HGD: variants seen among roughly 807,000 people sequenced by gnomAD.
HGD encodes homogentisate 1,2-dioxygenase.
Under a neutral mutation model 60.8 loss-of-function variants are expected in HGD, and 61 were observed. The ratio of observed to expected loss-of-function variants is 1.00; its 90% CI spans 0.82 to 1.24. The LOEUF (loss-of-function observed/expected upper bound fraction) is 1.24. HGD is among the 50% of genes most tolerant of loss of function. The pLI is 0.00. For missense variants in HGD, 542 were observed against 547.1 expected, an observed-to-expected ratio of 0.99 and a Z score of 0.09; for synonymous variants, 212 against 187.7, an observed-to-expected ratio of 1.13 and a Z score of -1.06.
At position 120,641,646 on chromosome 3, in the gene HGD, G is replaced by A. The variant is rs761819710; in HGVS notation, c.822C>T (p.Pro274=). 1.9e-6 allele frequency: 3 copies of A among 1,614,008 alleles called. No homozygotes were observed. The highest frequency in any genetic ancestry group is 1.7e-6 in the Non-Finnish European group (2 of 1,179,860). ...TGAAATTCTTCAGGTTGTACTTGTA[G>A]GGTGTATAATTCCCGTGCCAGGCCA... ...NVVAWHGNYT[P]YKYNLKNFMV... The change falls in exon 11 of 14, where the codon CCC becomes CCT. Residue 274 remains proline, a synonymous_variant. Transcript: ENST00000283871.
intron 3 of HGD, among the ~76,000 whole-genome samples, chr3:120,674,014 G>T (rs1708076247): frequency 1.3e-5 from 2 of 152,140 alleles, no homozygotes; most frequent in African/African-American, 2.4e-5. Context: ...ATTAAACCTT[G>T]CAATCTTTAT....
chr3:120,636,116 CAAA>C (rs34434001), intron 12 of HGD, among the ~76,000 whole-genome samples: 17 of 113,198 alleles, frequency 1.5e-4, no homozygotes, highest in African/African-American at 4.0e-4. Flanking sequence ...ACTAACAATA[CAAA>C]AAAAAAAAAA....
rs1016663331 is a variant in HGD, at chr3:120,646,419, T to C, written c.550-53A>G. The C allele has an allele frequency of 2.8e-5, 33 of 1,177,624 alleles. No individual in the cohort carries two copies. The East Asian group carries it at 5.1e-4, about 18-fold the overall frequency. 72.9% of individuals were successfully genotyped at this position (1,177,624 alleles called of 1,614,324 possible). ...CCCTCTGAAATCACAGCTGTAGTTA[T>C]AAAGAAGCTGCCCAGAGCCATAGCC... On this transcript the variant is annotated intron_variant, in intron 8 of 13. Coordinates refer to ENST00000283871, the MANE Select transcript of HGD (RefSeq NM_000187.4).
intron 1 of HGD, among the ~76,000 whole-genome samples, chr3:120,680,549 T>C (rs929611478): frequency 6.6e-5 from 10 of 152,142 alleles, no homozygotes; most frequent in African/African-American, 2.4e-4. Context: ...GGTAAAGATG[T>C]TTCCAACCTC....
chr3:120,638,218 T>C (rs539196164), intron 12 of HGD, among the ~76,000 whole-genome samples: 3 of 152,180 alleles, frequency 2.0e-5, no homozygotes, highest in African/African-American at 4.8e-5. Context: ...CTCTTTTCAT[T>C]ATAAATTAAG....
At chr3:120,672,791 C>G (rs959725467) in intron 3 of HGD, among the ~76,000 whole-genome samples, 1 of 152,172 alleles carries the variant, frequency 6.6e-6, no homozygotes, top group Non-Finnish European at 1.5e-5. Context: ...GCCTGGCATA[C>G]AGTAGCTGCT....
chr3:120,629,758 G>A (rs1692245087), intron 13 of HGD, among the ~76,000 whole-genome samples: 1 of 152,112 alleles, frequency 6.6e-6, no homozygotes. Context: ...ATTCAACATA[G>A]TCTTAGAAGT....
chr3:120,655,124 C>T (rs1211246915), intron 4 of HGD, among the ~76,000 whole-genome samples: 1 of 151,896 alleles, frequency 6.6e-6, no homozygotes, highest in Non-Finnish European at 1.5e-5. Context: ...CAAACAAAAA[C>T]CTTGCTGTGA....
intron 2 of HGD, 38 bp from the exon 3 acceptor site, chr3:120,675,027 C>A: frequency 7.0e-7 from 1 of 1,432,758 alleles, no homozygotes; most frequent in South Asian, 1.1e-5. Flanking sequence ...TTACTCCCAT[C>A]CGAAAAGCAT....
At chr3:120,653,031 A>G (rs1210657574) in intron 4 of HGD, among the ~76,000 whole-genome samples, 1 of 152,222 alleles carries the variant, frequency 6.6e-6, no homozygotes, top group Non-Finnish European at 1.5e-5. Flanking sequence ...ATTTATAATC[A>G]GGTCCCTTTC....
intron 2 of HGD, 136 bp from the exon 3 acceptor site, chr3:120,675,125 T>C (rs1708101415): frequency 1.5e-6 from 1 of 674,808 alleles, no homozygotes; most frequent in Non-Finnish European, 2.8e-6. Context: ...ATGTTTCTTG[T>C]AACAACTTTT....
chr3:120,666,683 T>C (rs1707906813), intron 4 of HGD, among the ~76,000 whole-genome samples: 1 of 152,036 alleles, frequency 6.6e-6, no homozygotes, highest in Non-Finnish European at 1.5e-5. Context: ...TGTTTCTCCA[T>C]GTTGGTCAAG....
intron 5 of HGD, among the ~76,000 whole-genome samples, chr3:120,651,427 C>A (rs151045706): frequency 1.3e-5 from 2 of 152,150 alleles, no homozygotes; most frequent in African/African-American, 4.8e-5. Flanking sequence ...CTCAAAATAG[C>A]CCTCAGCCCC....
At chr3:120,632,749 A>C (rs1361470047) in intron 13 of HGD, among the ~76,000 whole-genome samples, 1 of 152,200 alleles carries the variant, frequency 6.6e-6, no homozygotes, top group African/African-American at 2.4e-5. Context: ...CATAGTATTA[A>C]TAATGTTCCC....
chr3:120,644,284 A>T, intron 10 of HGD, 35 bp downstream of exon 10: 1 of 1,612,964 alleles, frequency 6.2e-7, no homozygotes, highest in Non-Finnish European at 8.5e-7. Flanking sequence ...ATCACTCTTC[A>T]TTTCCTCCCT....
intron 2 of HGD, among the ~76,000 whole-genome samples, 163 bp downstream of exon 2, chr3:120,675,629 T>G (rs964854558): frequency 1.2e-4 from 19 of 152,164 alleles, no homozygotes; most frequent in African/African-American, 3.9e-4. Flanking sequence ...AATCTTTGTG[T>G]TGTCATTGCT....
At chr3:120,663,941 AT>A (rs3841757) in intron 4 of HGD, among the ~76,000 whole-genome samples, 107,787 of 151,542 alleles carry the variant, frequency 0.71, 39,083 homozygotes, top group Middle Eastern at 0.81. Context: ...TATGTAACTG[AT>A]TTTTTTTTTA....
chr3:120,650,853 A>T lies in HGD; in HGVS notation c.355T>A (p.Leu119Met). 1 of 1,613,778 alleles carries T rather than the reference A, an allele frequency of 6.2e-7. No individual in the cohort carries two copies. The highest frequency in any genetic ancestry group is 8.5e-7 in the Non-Finnish European group (1 of 1,179,666). ...KVDFVSGLHT[L>M]CGAGDIKSNN... The stretch of plus-strand genomic sequence containing the variant: ...GACTTTATGTCTCCAGCTCCACACA[A>T]GGTATGCAGGCCCTGGGAGAGACCC... The change falls in exon 6 of 14, where the codon TTG becomes ATG. Residue 119 changes from leucine (L) to methionine (M), a missense_variant. Around this residue, in one of 2 missense-constraint regions of HGD, gnomAD observed 537 missense variants for 529.1 expected, o/e 1.01. Transcript: ENST00000283871.
At chr3:120,679,739 T>A (rs1238230928) in intron 1 of HGD, among the ~76,000 whole-genome samples, 1 of 152,102 alleles carries the variant, frequency 6.6e-6, no homozygotes, top group African/African-American at 2.4e-5. Context: ...AACCAAGGAA[T>A]GTGGGTAGCC....
Sources: gnomAD v4.1 joint callset for allele counts (sites outside exome capture counted in the v4.1 genomes callset) on GRCh38, gnomAD v4.1.1 for gene constraint, gnomAD v4.1.1 regional missense constraint, MANE v1.5 for transcripts, NCBI Gene and HGNC (gene_info 2026-07-23, HGNC 2026-07-21) for gene names.